Variants in NCK2 observed in about 807,000 individuals in gnomAD.
NCK2 encodes NCK adaptor protein 2, also known as cytoplasmic protein NCK2.
In NCK2, 16 loss-of-function variants were observed where a neutral mutation model predicts 33.9. That is an observed-to-expected ratio of 0.47 (90% CI 0.32 to 0.72). NCK2 has a LOEUF of 0.72. Ranked by LOEUF, NCK2 falls within the 30% of genes least tolerant of loss-of-function variation. The pLI is 0.03. For synonymous variants in NCK2, 273 were observed against 239.9 expected, an observed-to-expected ratio of 1.14 and a Z score of -1.27; for missense variants, 418 against 537.3, an observed-to-expected ratio of 0.78 and a Z score of 2.19.
At chr2:105,866,328 G>A (rs1218986962) in intron 3 of NCK2, among the ~76,000 whole-genome samples, 2 of 151,938 alleles carry the variant, frequency 1.3e-5, no homozygotes, top group East Asian at 3.8e-4. Context: ...TCTTTTCCCA[G>A]TGTTAATATA....
At chr2:105,866,165 T>C (rs564166054) in intron 3 of NCK2, among the ~76,000 whole-genome samples, 1 of 152,250 alleles carries the variant, frequency 6.6e-6, no homozygotes, top group South Asian at 2.1e-4. Flanking sequence ...CCACCCACCT[T>C]GGCCTCCCAA....
At chr2:105,806,170 C>T (rs1266108968) in intron 1 of NCK2, among the ~76,000 whole-genome samples, 4 of 151,616 alleles carry the variant, frequency 2.6e-5, no homozygotes, top group African/African-American at 9.7e-5. Context: ...TAGGGATGCT[C>T]AGCCTTGTAT....
intron 2 of NCK2, among the ~76,000 whole-genome samples, chr2:105,821,895 G>A (rs1675754108): frequency 6.7e-6 from 1 of 149,762 alleles, no homozygotes; most frequent in Non-Finnish European, 1.5e-5. Flanking sequence ...CAGAAGGTCT[G>A]TTGCTTACCA....
rs746745967 is a variant in NCK2 at position 105,855,181 on chromosome 2, C to T, written c.118C>T (p.Arg40Trp). 1.2e-6 allele frequency: 2 copies of T among 1,614,060 alleles called. No individual in the cohort carries two copies. The highest frequency in any genetic ancestry group is 2.2e-5 in the East Asian group (1 of 44,878). Residue 40 changes from arginine (R) to tryptophan (W), a missense_variant, in exon 3 of 5, where the codon CGG becomes TGG. Transcript: ENST00000233154. ...GCTGGACGACTCCAAGACGTGGTGGCGGGTGAGGAACGCGGCCAACAGGAC... is the reference window on the plus strand; with the variant it reads ...GCTGGACGACTCCAAGACGTGGTGGTGGGTGAGGAACGCGGCCAACAGGAC... ...WLLDDSKTWW[R>W]VRNAANRTGY...
At position 105,881,798 on chromosome 2, in the gene NCK2, G is replaced by A; in HGVS notation, c.697G>A (p.Glu233Lys). The stretch of plus-strand genomic sequence containing the variant: ...GATTGAGAAGCCGGAGAACGACCCC[G>A]AGTGGTGGAAATGCAAAAATGCCCG... ...EVIEKPENDP[E>K]WWKCKNARGQ... The change falls in exon 4 of 5, where the codon GAG (glutamate) becomes AAG (lysine). Residue 233 changes from glutamate (E) to lysine (K), a missense_variant. By Grantham distance (56) the Glu-to-Lys change is moderately conservative. Transcript: ENST00000233154. 1 of 1,612,304 alleles carries A rather than the reference G, an allele frequency of 6.2e-7. No individual in the cohort carries two copies. Among genetic ancestry groups the A allele is most frequent in the Non-Finnish European group, 8.5e-7 (1 of 1,179,150 alleles).
chr2:105,845,267 A>C (rs1252777133), intron 2 of NCK2, among the ~76,000 whole-genome samples: 1 of 152,232 alleles, frequency 6.6e-6, no homozygotes, highest in Non-Finnish European at 1.5e-5. Flanking sequence ...TTCTTGTTTC[A>C]ACCTTGCATG....
chr2:105,846,675 C>T (rs1373289397), intron 2 of NCK2: 1 of 152,094 alleles, frequency 6.6e-6, no homozygotes, highest in Non-Finnish European at 1.5e-5. Flanking sequence ...TAGACAATAA[C>T]AGGCGTTGAC....
intron 1 of NCK2, among the ~76,000 whole-genome samples, chr2:105,781,791 T>C (rs1690505274): frequency 6.6e-6 from 1 of 152,230 alleles, no homozygotes; most frequent in Admixed American, 6.5e-5. Flanking sequence ...TTTGTAGACA[T>C]GTCTGTTTCT....
intron 2 of NCK2, among the ~76,000 whole-genome samples, chr2:105,840,018 T>C (rs1676580545): frequency 6.6e-6 from 1 of 152,010 alleles, no homozygotes; most frequent in Non-Finnish European, 1.5e-5. Flanking sequence ...GGCAGTATGG[T>C]AGGGACAAAA....
intron 2 of NCK2, among the ~76,000 whole-genome samples, chr2:105,847,885 G>A (rs1676913228): frequency 6.6e-6 from 1 of 152,012 alleles, no homozygotes; most frequent in Non-Finnish European, 1.5e-5. Flanking sequence ...ATTAGCATTA[G>A]CCACACTGGG....
At chr2:105,834,697 T>G (rs557166346) in intron 2 of NCK2, among the ~76,000 whole-genome samples, 192 of 152,256 alleles carry the variant, frequency 1.3e-3, no homozygotes, top group African/African-American at 4.6e-3. Context: ...AGACAAGGTC[T>G]CGTTCTCTTA....
intron 1 of NCK2, among the ~76,000 whole-genome samples, chr2:105,780,010 A>C (rs1007473162): frequency 1.1e-4 from 16 of 152,106 alleles, no homozygotes; most frequent in Admixed American, 1.3e-4. Flanking sequence ...ATTTAATTCA[A>C]TTCTACTCTT....
At chr2:105,749,191 C>T (rs560636243) in intron 1 of NCK2, among the ~76,000 whole-genome samples, 7 of 152,252 alleles carry the variant, frequency 4.6e-5, no homozygotes, top group South Asian at 2.1e-4. Context: ...CTGGGCAGAC[C>T]GTTTGTGATC....
intron 3 of NCK2, among the ~76,000 whole-genome samples, chr2:105,868,921 G>A (rs1329004823): frequency 5.9e-5 from 9 of 152,188 alleles, no homozygotes; most frequent in Non-Finnish European, 1.2e-4. Flanking sequence ...TGGGCCCCTC[G>A]CAGCCCAGGT....
intron 4 of NCK2, among the ~76,000 whole-genome samples, chr2:105,882,341 C>T (rs767613766): frequency 3.3e-5 from 5 of 152,168 alleles, no homozygotes; most frequent in Non-Finnish European, 5.9e-5. Flanking sequence ...CAGGCTCAAA[C>T]ATCATTTTCT....
At chr2:105,830,385 C>T (rs115871080) in intron 2 of NCK2, among the ~76,000 whole-genome samples, 2,629 of 152,256 alleles carry the variant, frequency 0.017, 38 homozygotes, top group Non-Finnish European at 0.021. Context: ...ATCCATGTTG[C>T]CATGAGTGAC....
At chr2:105,832,540 A>G in intron 2 of NCK2, among the ~76,000 whole-genome samples, 1 of 152,190 alleles carries the variant, frequency 6.6e-6, no homozygotes, top group Non-Finnish European at 1.5e-5. Flanking sequence ...GGTTTTCTAC[A>G]TTTATCGAGA....
intron 1 of NCK2, among the ~76,000 whole-genome samples, chr2:105,808,646 G>A (rs1037729141): frequency 6.6e-6 from 1 of 152,192 alleles, no homozygotes; most frequent in African/African-American, 2.4e-5. Flanking sequence ...GGATCACCCA[G>A]CGTCTTCAGT....
intron 2 of NCK2, among the ~76,000 whole-genome samples, chr2:105,851,286 C>T (rs11677728): frequency 0.2 from 29,665 of 148,602 alleles, 3,595 homozygotes; most frequent in East Asian, 0.32. Flanking sequence ...TTTTCTGAGA[C>T]GGAGTCTCGC....
Sources: gnomAD v4.1 joint callset for allele counts (sites outside exome capture counted in the v4.1 genomes callset) on GRCh38, gnomAD v4.1.1 for gene constraint, MANE v1.5 for transcripts, NCBI Gene and HGNC (gene_info 2026-07-23, HGNC 2026-07-21) for gene names.